The following SEM1 variants were observed in gnomAD, a reference collection of about 807,000 sequenced individuals.
SEM1 encodes 26S proteasome complex subunit SEM1.
A neutral mutation model predicts 12.7 loss-of-function variants in SEM1; 3 were observed. That is an observed-to-expected ratio of 0.24 (90% CI 0.11 to 0.61). The LOEUF is 0.61. Among genes scored for constraint, SEM1 ranks in the 20% least tolerant of loss-of-function variants. The pLI, the probability that SEM1 is intolerant of heterozygous loss-of-function variation, is 0.88. For missense variants in SEM1, 59 were observed against 81.3 expected, an observed-to-expected ratio of 0.73 and a Z score of 1.06; for synonymous variants, 30 against 27.8, an observed-to-expected ratio of 1.08 and a Z score of -0.25.
intron 2 of SEM1, among the ~76,000 whole-genome samples, chr7:96,526,670 T>C (rs1274780215): frequency 7.2e-6 from 1 of 138,650 alleles, no homozygotes; most frequent in African/African-American, 2.7e-5. Flanking sequence ...TAAAATGGTT[T>C]GTGGGCTCTG....
chr7:96,558,856 A>G (rs1174365202), intron 2 of SEM1, among the ~76,000 whole-genome samples: 5 of 152,226 alleles, frequency 3.3e-5, no homozygotes, highest in African/African-American at 1.2e-4. Flanking sequence ...AGAATAAAAA[A>G]GGAGCATGGT....
intron 2 of SEM1, among the ~76,000 whole-genome samples, chr7:96,525,103 C>T (rs904617765): frequency 6.6e-6 from 1 of 152,094 alleles, no homozygotes; most frequent in Non-Finnish European, 1.5e-5. Flanking sequence ...CCTGGCCCTT[C>T]CTTTGCAAGT....
intron 2 of SEM1, among the ~76,000 whole-genome samples, chr7:96,586,360 A>T (rs1806637218): frequency 6.6e-6 from 1 of 152,154 alleles, no homozygotes; most frequent in Admixed American, 6.5e-5. Context: ...AGCAAAGAAG[A>T]TATTGAAAAT....
intron 2 of SEM1, among the ~76,000 whole-genome samples, chr7:96,667,757 G>T (rs1419482379): frequency 6.6e-6 from 1 of 152,202 alleles, no homozygotes; most frequent in African/African-American, 2.4e-5. Flanking sequence ...GCTTTCTTTA[G>T]TCCCAACGGC....
chr7:96,521,615 A>C (rs1189176658), intron 2 of SEM1, among the ~76,000 whole-genome samples: 1 of 152,076 alleles, frequency 6.6e-6, no homozygotes, highest in Non-Finnish European at 1.5e-5. Context: ...GTCAGGTCAC[A>C]ACTGCGTAAT....
At chr7:96,655,600 T>C (rs1269565483) in intron 2 of SEM1, among the ~76,000 whole-genome samples, 5 of 152,056 alleles carry the variant, frequency 3.3e-5, no homozygotes, top group Admixed American at 6.6e-5. Flanking sequence ...AATACTTAAA[T>C]TGTACAGTCC....
At chr7:96,680,628 C>T (rs1320840091) in intron 2 of SEM1, among the ~76,000 whole-genome samples, 2 of 152,014 alleles carry the variant, frequency 1.3e-5, no homozygotes, top group Non-Finnish European at 2.9e-5. Context: ...CTAAGAAAGT[C>T]GTCTTACAAG....
In SEM1 at chr7:96,486,293, TGGATCCA is replaced by T; in HGVS notation, c.130_136del (p.Trp44MetfsTer13). 1 of 1,537,214 alleles carries T rather than the reference TGGATCCA, an allele frequency of 6.5e-7. No homozygotes were observed. The highest frequency in any genetic ancestry group is 8.7e-7 in the Non-Finnish European group (1 of 1,146,852). On this transcript the variant is annotated frameshift_variant, in exon 2 of 4. Transcript: ENST00000356686. LOFTEE classifies it high-confidence loss of function. ...TGCAAAGGCCGGATGCTTACTCTCA[TGGATCCA>T]GGGTCCTCTGGCCCGCTGAGCTGGG...
upstream of SEM1, among the ~76,000 whole-genome samples, chr7:96,499,472 C>T (rs1803428211): frequency 6.6e-6 from 1 of 152,180 alleles, no homozygotes; most frequent in South Asian, 2.1e-4. Context: ...CCGAATGTGA[C>T]TCACAGCGGG....
intron 2 of SEM1, among the ~76,000 whole-genome samples, chr7:96,624,978 G>GTGA (rs1191335474): frequency 6.6e-6 from 1 of 152,174 alleles, no homozygotes; most frequent in Non-Finnish European, 1.5e-5. Flanking sequence ...TATCTAGAAA[G>GTGA]CTGTTTCAAT....
chr7:96,507,238 T>A (rs1187361830), intron 2 of SEM1, among the ~76,000 whole-genome samples: 1 of 152,140 alleles, frequency 6.6e-6, no homozygotes, highest in Non-Finnish European at 1.5e-5. Flanking sequence ...TTCAAATGTG[T>A]GTGTATGTAT....
chr7:96,597,062 C>T (rs934563373), intron 2 of SEM1, among the ~76,000 whole-genome samples: 1 of 152,140 alleles, frequency 6.6e-6, no homozygotes, highest in Admixed American at 6.6e-5. Flanking sequence ...TAGAAATGGA[C>T]AGGAGGTGAA....
intron 2 of SEM1, among the ~76,000 whole-genome samples, chr7:96,608,098 T>C (rs1807439431): frequency 6.6e-6 from 1 of 152,162 alleles, no homozygotes; most frequent in Admixed American, 6.5e-5. Context: ...TAGCATCGTC[T>C]GGAAGAGAAG....
chr7:96,494,423 C>G (rs1439890671), intron 1 of SEM1, among the ~76,000 whole-genome samples: 1 of 150,820 alleles, frequency 6.6e-6, no homozygotes, highest in Non-Finnish European at 1.5e-5. Context: ...GCTTTTTGGT[C>G]CAGTTAATAA....
intron 2 of SEM1, among the ~76,000 whole-genome samples, chr7:96,588,052 C>A (rs1259543662): frequency 2.0e-5 from 3 of 152,126 alleles, no homozygotes; most frequent in Non-Finnish European, 4.4e-5. Flanking sequence ...GTTTTCATTG[C>A]CTTACACCTC....
chr7:96,498,806 C>T (rs895596283), upstream of SEM1, among the ~76,000 whole-genome samples: 1 of 152,176 alleles, frequency 6.6e-6, no homozygotes, highest in African/African-American at 2.4e-5. Context: ...GTCCAAGTAA[C>T]CCTGTAACCT....
intron 2 of SEM1, among the ~76,000 whole-genome samples, chr7:96,680,918 G>C (rs1723611520): frequency 6.6e-6 from 1 of 152,040 alleles, no homozygotes; most frequent in South Asian, 2.1e-4. Context: ...CAAAAAATCA[G>C]GCAGTATTGG....
intron 2 of SEM1, among the ~76,000 whole-genome samples, chr7:96,616,783 A>G (rs1807734729): frequency 6.6e-6 from 1 of 152,150 alleles, no homozygotes; most frequent in African/African-American, 2.4e-5. Flanking sequence ...CAACTTTCCC[A>G]GCACCATTTA....
At chr7:96,537,834 G>T (rs1804833559) in intron 2 of SEM1, among the ~76,000 whole-genome samples, 2 of 151,442 alleles carry the variant, frequency 1.3e-5, no homozygotes, top group Admixed American at 1.3e-4. Flanking sequence ...CATTAATTTT[G>T]GAAAATTTGC....
Sources: allele counts gnomAD v4.1 joint callset (sites outside exome capture counted in the v4.1 genomes callset), GRCh38; gene constraint gnomAD v4.1.1; transcripts MANE v1.5; gene names NCBI Gene and HGNC (gene_info 2026-07-23, HGNC 2026-07-21).